The following FREM1 variants were observed in gnomAD, a reference collection of about 807,000 sequenced individuals.
FREM1 encodes FRAS1 related extracellular matrix 1, also known as FRAS1-related extracellular matrix protein 1.
In FREM1, 220 loss-of-function variants were observed where a neutral mutation model predicts 210.1. The observed-to-expected ratio is 1.05, with a 90% CI of 0.94 to 1.17. The LOEUF (loss-of-function observed/expected upper bound fraction) is 1.17, where lower values mean the gene tolerates loss of function less well. Ranked by LOEUF, FREM1 falls within the 50% of genes most tolerant of loss-of-function variation. FREM1 has a pLI of 0.00. For missense variants in FREM1, 3,454 were observed against 2,675.5 expected, an observed-to-expected ratio of 1.29 and a Z score of -6.42; for synonymous variants, 1,189 against 980.2, an observed-to-expected ratio of 1.21 and a Z score of -3.98.
intron 7 of FREM1, among the ~76,000 whole-genome samples, chr9:14,846,742 G>T (rs1826691607): frequency 6.6e-6 from 1 of 152,106 alleles, no homozygotes; most frequent in Non-Finnish European, 1.5e-5. Flanking sequence ...ATCCTGAAAG[G>T]GAGCAGAGCA....
intron 35 of FREM1, among the ~76,000 whole-genome samples, chr9:14,743,187 T>C (rs925246998): frequency 2.6e-5 from 4 of 152,128 alleles, no homozygotes; most frequent in Admixed American, 1.3e-4. Context: ...AAATCTTAGA[T>C]TAAGTGCATG....
At chr9:14,888,958 G>A (rs1836301309) in intron 1 of FREM1, among the ~76,000 whole-genome samples, 1 of 152,120 alleles carries the variant, frequency 6.6e-6, no homozygotes, top group Non-Finnish European at 1.5e-5. Flanking sequence ...GAGTTGTGTA[G>A]TATCCCTTTT....
intron 1 of FREM1, among the ~76,000 whole-genome samples, chr9:14,882,930 G>GAAAAAAAAAAAAAAAAAAAAAAAA (rs1835070082): frequency 5.8e-5 from 1 of 17,172 alleles, no homozygotes; most frequent in African/African-American, 1.6e-4. Context: ...AAAAAAAAAG[G>GAAAAAAAAAAAAAAAAAAAAAAAA]AATCACCCAT....
chr9:14,869,115 A>C lies in FREM1; in HGVS notation c.-138T>G. 1 of 568,054 alleles carries C rather than the reference A, an allele frequency of 1.8e-6. No individual in the cohort carries two copies. The highest frequency in any genetic ancestry group is 3.1e-6 in the Non-Finnish European group (1 of 325,200). The allele number at this position is 568,054 out of a possible 1,614,324, so 35.2% of individuals were successfully genotyped here. ...TCCTGACAATGTGCCCCGAGATCTT[A>C]ACATGCCCCTTTCATTTCAAAGTCA... On this transcript the variant is annotated 5_prime_UTR_variant, in exon 2 of 37. An upstream open reading frame in the 5' UTR loses its in-frame stop. Transcript: ENST00000380880.
At chr9:14,834,762 G>C (rs1443722795) in intron 10 of FREM1, among the ~76,000 whole-genome samples, 1 of 152,070 alleles carries the variant, frequency 6.6e-6, no homozygotes, top group African/African-American at 2.4e-5. Flanking sequence ...TTATATTTTG[G>C]TGAACACTAA....
chr9:14,872,361 T>G (rs960337298), intron 1 of FREM1, among the ~76,000 whole-genome samples: 3 of 152,150 alleles, frequency 2.0e-5, no homozygotes, highest in African/African-American at 7.2e-5. Context: ...TGGTTTGTAG[T>G]TCTCCTTGAA....
chr9:14,750,468 T>C (rs1376011480), intron 29 of FREM1, among the ~76,000 whole-genome samples, 192 bp from the exon 30 acceptor site: 1 of 152,154 alleles, frequency 6.6e-6, no homozygotes, highest in African/African-American at 2.4e-5. Context: ...TCCTGGACGA[T>C]GATGTTTCCG....
At chr9:14,791,951 C>T (rs1851425216) in intron 22 of FREM1, among the ~76,000 whole-genome samples, 1 of 151,928 alleles carries the variant, frequency 6.6e-6, no homozygotes, top group African/African-American at 2.4e-5. Context: ...AATTCTCCTG[C>T]CTCCGCCTGC....
At chr9:14,902,238 T>A (rs1838915610) in intron 1 of FREM1, among the ~76,000 whole-genome samples, 1 of 152,222 alleles carries the variant, frequency 6.6e-6, no homozygotes, top group African/African-American at 2.4e-5. Context: ...GCCACAGAGC[T>A]AACAATTCAG....
At chr9:14,807,601 C>T (rs1192139750) in intron 17 of FREM1, among the ~76,000 whole-genome samples, 4 of 152,096 alleles carry the variant, frequency 2.6e-5, no homozygotes, top group Non-Finnish European at 5.9e-5. Flanking sequence ...AAGCAAATTA[C>T]ATTTTCCCAT....
At chr9:14,747,810 T>G in intron 31 of FREM1, 82 bp from the exon 32 acceptor site, 1 of 759,174 alleles carries the variant, frequency 1.3e-6, no homozygotes, top group Non-Finnish European at 2.1e-6. Context: ...AAGTAAGATC[T>G]TGCTAATGTC....
chr9:14,862,050 GA>G (rs1830695259), intron 3 of FREM1, among the ~76,000 whole-genome samples: 1 of 152,214 alleles, frequency 6.6e-6, no homozygotes, highest in Non-Finnish European at 1.5e-5. Flanking sequence ...GTCTTAGAAA[GA>G]TCAAATGGCC....
In FREM1 at chr9:14,842,427, A is replaced by T. The variant is rs1825849213; in HGVS notation, c.1627T>A (p.Ser543Thr). ...EEGQTILIQG[S>T]MLRASDVDAS... Reference sequence around the variant, plus strand: ...TCCACATCTGAAGCTCGCAGCATGGATCCCTGGATCAGGATGGTCTGCCCC... The same window carrying T: ...TCCACATCTGAAGCTCGCAGCATGGTTCCCTGGATCAGGATGGTCTGCCCC... The change falls in exon 9 of 37, where the codon TCC becomes ACC. Residue 543 changes from serine (S) to threonine (T), a missense_variant. Ser to Thr is a moderately conservative substitution (Grantham distance 58, BLOSUM62 1). Transcript: ENST00000380880. 6 of 1,613,968 alleles carry T rather than the reference A, an allele frequency of 3.7e-6. No individual in the cohort carries two copies. The highest frequency in any genetic ancestry group is 5.1e-6 in the Non-Finnish European group (6 of 1,179,846).
At chr9:14,831,644 C>T (rs1385195768) in intron 10 of FREM1, among the ~76,000 whole-genome samples, 2 of 152,320 alleles carry the variant, frequency 1.3e-5, no homozygotes, top group Admixed American at 6.5e-5. Context: ...TTAGCCTGGG[C>T]TATAATAGCA....
chr9:14,775,100 C>T (rs1041998027), intron 25 of FREM1, among the ~76,000 whole-genome samples: 1 of 152,192 alleles, frequency 6.6e-6, no homozygotes, highest in Non-Finnish European at 1.5e-5. Context: ...TATACTACTG[C>T]TTTGGATACC....
chr9:14,883,207 T>A (rs1225092978), intron 1 of FREM1, among the ~76,000 whole-genome samples: 9 of 152,228 alleles, frequency 5.9e-5, no homozygotes, highest in African/African-American at 2.2e-4. Flanking sequence ...ACAGAATACA[T>A]ATTAAAAAAC....
chr9:14,764,186 C>G (rs1349673696), intron 27 of FREM1, among the ~76,000 whole-genome samples: 1 of 152,214 alleles, frequency 6.6e-6, no homozygotes, highest in South Asian at 2.1e-4. Context: ...TTGCCTGCCA[C>G]CATGTAAGAC....
intron 27 of FREM1, among the ~76,000 whole-genome samples, chr9:14,766,073 T>A (rs1309931666): frequency 2.0e-5 from 3 of 152,014 alleles, no homozygotes; most frequent in Non-Finnish European, 2.9e-5. Flanking sequence ...GGTGAGGCAA[T>A]AAGATGCGCA....
chr9:14,851,592 G>T lies in FREM1; in HGVS notation c.844C>A (p.Leu282Met). The T allele has an allele frequency of 6.2e-7, 1 of 1,612,978 alleles. No individual in the cohort carries two copies. The highest frequency in any genetic ancestry group is 1.3e-5 in the African/African-American group (1 of 75,034). The stretch of plus-strand genomic sequence containing the variant: ...ATTCCAGCTCTGATATAGACAGGCA[G>T]CCACGCACTCTCTGACTTTTGAAGG... ...KIVYKSESAW[L>M]PVYIRAGIPN... is the part of the protein sequence containing the mutation. The change falls in exon 6 of 37, where the codon CTG (leucine) becomes ATG (methionine). Residue 282 changes from leucine (L) to methionine (M), a missense_variant. Coordinates refer to ENST00000380880, the MANE Select transcript of FREM1 (RefSeq NM_001379081.2).
Sources: allele counts gnomAD v4.1 joint callset (sites outside exome capture counted in the v4.1 genomes callset), GRCh38; gene constraint gnomAD v4.1.1; transcripts MANE v1.5; gene names NCBI Gene and HGNC (gene_info 2026-07-23, HGNC 2026-07-21).